The following SIDT2 variants were observed in gnomAD, a reference collection of about 807,000 sequenced individuals.
The protein encoded by SIDT2 is SID1 transmembrane family member 2.
SIDT2 carries 68 observed loss-of-function variants against 114.4 expected under a neutral mutation model. The ratio of observed to expected loss-of-function variants is 0.59; its 90% CI spans 0.49 to 0.73. The LOEUF (loss-of-function observed/expected upper bound fraction) is 0.73, where lower values mean the gene tolerates loss of function less well. Ranked by LOEUF, SIDT2 falls within the 30% of genes least tolerant of loss-of-function variation. SIDT2 has a pLI of 0.00. For missense variants in SIDT2, 918 were observed against 1,097.1 expected (o/e 0.84, Z 2.31); for synonymous variants, 470 against 438.4 (o/e 1.07, Z -0.90).
intron 12 of SIDT2, 65 bp downstream of exon 12, chr11:117,187,764 G>T: frequency 1.3e-6 from 2 of 1,527,626 alleles, no homozygotes; most frequent in South Asian, 1.1e-5. Flanking sequence ...AAAATGTCAC[G>T]GTGGGCGGTT....
chr11:117,186,101 C>T (rs748774904), intron 8 of SIDT2, 29 bp from the exon 9 acceptor site: 2 of 1,601,636 alleles, frequency 1.2e-6, no homozygotes, highest in Non-Finnish European at 1.7e-6. Flanking sequence ...AGGTTTTGAC[C>T]TGTCCACCTT....
intron 10 of SIDT2, 36 bp from the exon 11 acceptor site, chr11:117,187,342 C>T (rs1268989367): frequency 1.1e-5 from 17 of 1,595,710 alleles, no homozygotes; most frequent in South Asian, 3.3e-5. Flanking sequence ...CCTCTCTCTT[C>T]GTCCAGTGCT....
Position 117,192,098 on chromosome 11 carries a change from C to A in SIDT2, c.1872+84C>A. Reference sequence around the variant, plus strand: ...GACACGTAGTGCACACCCTCCGCCACCTCCTGCATGAGAGATTCCTGCTCC... The same window carrying A: ...GACACGTAGTGCACACCCTCCGCCAACTCCTGCATGAGAGATTCCTGCTCC... On this transcript the variant is annotated intron_variant, in intron 19 of 25. Coordinates refer to ENST00000324225, the MANE Select transcript of SIDT2 (RefSeq NM_001040455.2). The surrounding 1 kb of genome is among the most constrained non-coding windows in gnomAD (Gnocchi z 5.9). 6.3e-7 allele frequency: 1 copy of A among 1,588,170 alleles called. No homozygotes were observed. The highest frequency in any genetic ancestry group is 1.1e-5 in the South Asian group (1 of 88,398).
At chr11:117,187,082 C>G in intron 10 of SIDT2, 4 of 1,450,924 alleles carry the variant, frequency 2.8e-6, no homozygotes, top group Non-Finnish European at 2.8e-6. Flanking sequence ...GTCTGGAGGG[C>G]TCGTGGGCGG....
chr11:117,189,560 C>G, intron 15 of SIDT2, 159 bp downstream of exon 15: 1 of 718,966 alleles, frequency 1.4e-6, no homozygotes, highest in Non-Finnish European at 2.3e-6. Flanking sequence ...TCACATAACC[C>G]CCCCAACCCT....
At position 117,189,208 on chromosome 11, in the gene SIDT2, C is replaced by T. The variant is rs2030611829; in HGVS notation, c.1318C>T (p.Arg440Cys). The change falls in exon 14 of 26, where the codon CGT (arginine) becomes TGT (cysteine). Residue 440 changes from arginine (R) to cysteine (C), a missense_variant. Physicochemically the swap from Arg to Cys is radical, Grantham distance 180. Transcript: ENST00000324225. The part of the protein sequence containing the change: ...YVADLARKDK[R>C]VLRKKYQIYF... Reference sequence around the variant, plus strand: ...GGCTGACCTGGCACGGAAGGACAAGCGTGTTCTGCGGAAAAAGTACCAGAT... The same window carrying T: ...GGCTGACCTGGCACGGAAGGACAAGTGTGTTCTGCGGAAAAAGTACCAGAT... 2.5e-6 allele frequency: 4 copies of T among 1,614,110 alleles called. No individual in the cohort carries two copies. The highest frequency in any genetic ancestry group is 2.5e-6 in the Non-Finnish European group (3 of 1,180,038).
rs2030793833 is a variant in SIDT2, at chr11:117,193,878, TC to T, written c.2238del (p.Ile747SerfsTer69). 2 of 1,613,934 alleles carry T rather than the reference TC, an allele frequency of 1.2e-6. No individual in the cohort carries two copies. Among genetic ancestry groups the T allele is most frequent in the Non-Finnish European group, 1.7e-6 (2 of 1,179,992 alleles). Reference sequence around the variant, plus strand: ...CTCCGGAGTGGGGAGAGGATCAAGCTCATCCCCCTGCTCTGCATCGTTTGCA... The same window carrying T: ...CTCCGGAGTGGGGAGAGGATCAAGCTATCCCCCTGCTCTGCATCGTTTGCA... The part of the protein sequence containing the change: ...MKLRSGERIK[L>X]IPLLCIVCTS... On this transcript the variant is annotated frameshift_variant, in exon 24 of 26. Coordinates refer to ENST00000324225, the MANE Select transcript of SIDT2 (RefSeq NM_001040455.2). LOFTEE classifies it high-confidence loss of function.
chr11:117,193,374 G>A lies in SIDT2; in HGVS notation c.2211+116G>A, dbSNP rs563523316. 20 of 921,302 alleles carry A rather than the reference G, an allele frequency of 2.2e-5. No homozygotes were observed. In the East Asian group the frequency reaches 2.4e-4, roughly 11 times the overall value. The allele number at this position is 921,302 out of a possible 1,614,324, so 57.1% of individuals were successfully genotyped here. ...TTTCTGTCCCATCTTTGCTGGTTGC[G>A]GAGGGGAGAGGCTAAAGCCTCTTGC... On this transcript the variant is annotated intron_variant, in intron 23 of 25. Coordinates refer to ENST00000324225, the MANE Select transcript of SIDT2 (RefSeq NM_001040455.2).
intron 23 of SIDT2, 43 bp from the exon 24 acceptor site, chr11:117,193,810 G>A (rs1351996210): frequency 2.7e-6 from 4 of 1,466,074 alleles, no homozygotes; most frequent in African/African-American, 2.8e-5. Flanking sequence ...GGGTGGGACA[G>A]GGGTAAGCCC....
intron 5 of SIDT2, 36 bp downstream of exon 5, chr11:117,182,656 CA>C (rs1332746041): frequency 6.2e-7 from 1 of 1,614,106 alleles, no homozygotes; most frequent in Admixed American, 1.7e-5. Context: ...CCCCAGCAGG[CA>C]GCAGGGCTGC....
rs1192509363 is a variant in SIDT2 at position 117,187,663 on chromosome 11, A to G, written c.1123A>G (p.Ser375Gly). Residue 375 changes from serine to glycine, a missense_variant, in exon 12 of 26, where the codon AGC (serine) becomes GGC (glycine). Transcript: ENST00000324225. ...TGGATCTACCGATGGTCTGGTTGAC[A>G]GCGCTGGCACTGGGGACCTCTCTTA... is the stretch of plus-strand genomic sequence containing the variant. ...VSGSTDGLVD[S>G]AGTGDLSYGY... 1 of 1,613,988 alleles carries G rather than the reference A, an allele frequency of 6.2e-7. No homozygotes were observed. Among genetic ancestry groups the G allele is most frequent in the South Asian group, 1.1e-5 (1 of 91,058 alleles).
intron 4 of SIDT2, 120 bp from the exon 5 acceptor site, chr11:117,182,399 C>G: frequency 1.1e-6 from 1 of 889,888 alleles, no homozygotes; most frequent in East Asian, 2.5e-5. Flanking sequence ...CTCGGAGAGC[C>G]TCCACTGCCC....
intron 1 of SIDT2, 28 bp downstream of exon 1, chr11:117,179,474 GGC>G: frequency 6.3e-7 from 1 of 1,596,164 alleles, no homozygotes; most frequent in African/African-American, 1.3e-5. Flanking sequence ...AGGGGCCAGA[GGC>G]GAGTGGGGAA....
intron 6 of SIDT2, among the ~76,000 whole-genome samples, chr11:117,183,253 GA>G (rs1481295836): frequency 6.6e-6 from 1 of 152,050 alleles, no homozygotes; most frequent in South Asian, 2.1e-4. Flanking sequence ...GCTGAGTCAG[GA>G]GAATCACTTG....
In SIDT2 at chr11:117,196,610, GAGATTTTGGGGGTTGGCC is replaced by G. The variant is rs1191280854; in HGVS notation, c.*547_*564del. The stretch of plus-strand genomic sequence containing the variant: ...AGTCAGCCAGGATGGATGGGGGTAT[GAGATTTTGGGGGTTGGCC>G]AGCTGGTGCCAGACTTTTGGTGCTA... On this transcript the variant is annotated 3_prime_UTR_variant, in exon 26 of 26. Transcript: ENST00000324225. This position sits in a 1 kb window ranked among gnomAD's most constrained non-coding sequence, Gnocchi z 4.9. The G allele has an allele frequency of 1.2e-5, 2 of 166,010 alleles. No individual in the cohort carries two copies. Among genetic ancestry groups the G allele is most frequent in the Admixed American group, 1.1e-4 (2 of 17,954 alleles). The allele number at this position is 166,010 out of a possible 1,614,324, so 10.3% of individuals were successfully genotyped here. A position where few individuals can be genotyped will look rare whatever the true frequency, so the allele number is the denominator to read the frequency against.
Position 117,190,576 on chromosome 11 carries a change from T to G in SIDT2, c.1618-47T>G. 6.7e-7 allele frequency: 1 copy of G among 1,481,756 alleles called. No homozygotes were observed. Among genetic ancestry groups the G allele is most frequent in the Non-Finnish European group, 9.2e-7 (1 of 1,083,616 alleles). The allele number at this position is 1,481,756 out of a possible 1,614,324, so 91.8% of individuals were successfully genotyped here. ...CCCTCTTTTGGGTCCCTTCTTCCCT[T>G]CCTGCCTCACTTCCTCCCTCCCTTC... is the stretch of plus-strand genomic sequence containing the variant. On this transcript the variant is annotated intron_variant, in intron 17 of 25. Transcript: ENST00000324225. The surrounding 1 kb of genome is among the most constrained non-coding windows in gnomAD (Gnocchi z 4.1).
In SIDT2 at chr11:117,184,084, C is replaced by T. The variant is rs377458681; in HGVS notation, c.813C>T (p.Val271=). 1.3e-5 allele frequency: 21 copies of T among 1,613,950 alleles called. No individual in the cohort carries two copies. Among genetic ancestry groups the T allele is most frequent in the Non-Finnish European group, 1.7e-5 (20 of 1,180,038 alleles). ...PFYPFAEDEP[V]DQGHRQKTLS... is the part of the protein sequence containing the mutation. ...ACATTTTACTTCCAGATGAACCGGT[C>T]GATCAAGGGCACCGCCAGAAAACCC... Residue 271 remains valine (V), a synonymous_variant, in exon 8 of 26, where the codon GTC becomes GTT. Transcript: ENST00000324225.
intron 6 of SIDT2, 94 bp downstream of exon 6, chr11:117,182,900 T>A: frequency 7.4e-7 from 1 of 1,357,764 alleles, no homozygotes; most frequent in African/African-American, 1.4e-5. Flanking sequence ...CCCATTCCTA[T>A]CCTACACACG....
In SIDT2 at chr11:117,192,522, C is replaced by T; in HGVS notation, c.1982-52C>T. 6.3e-7 allele frequency: 1 copy of T among 1,596,436 alleles called. No homozygotes were observed. The highest frequency in any genetic ancestry group is 1.1e-5 in the South Asian group (1 of 90,938). Reference sequence around the variant, plus strand: ...CCTCAGCTGGCACATCCCAGGGGTCCAGCAAAGGAGGGTGCCCCGTGCCTG... The same window carrying T: ...CCTCAGCTGGCACATCCCAGGGGTCTAGCAAAGGAGGGTGCCCCGTGCCTG... On this transcript the variant is annotated intron_variant, in intron 20 of 25. Coordinates refer to ENST00000324225, the MANE Select transcript of SIDT2 (RefSeq NM_001040455.2). This position sits in a 1 kb window ranked among gnomAD's most constrained non-coding sequence, Gnocchi z 5.9.
Sources: allele counts gnomAD v4.1 joint callset (sites outside exome capture counted in the v4.1 genomes callset), GRCh38; gene constraint gnomAD v4.1.1; non-coding constraint Gnocchi (gnomAD v3.1); transcripts MANE v1.5; gene names NCBI Gene and HGNC (gene_info 2026-07-23, HGNC 2026-07-21).